Variants in MCTP1 observed in about 807,000 individuals in gnomAD.
The protein encoded by MCTP1 is multiple C2 and transmembrane domain-containing protein 1.
In MCTP1, 69 loss-of-function variants were observed where a neutral mutation model predicts 120.6. That is an observed-to-expected ratio of 0.57 (90% CI 0.47 to 0.70). The LOEUF (loss-of-function observed/expected upper bound fraction) is 0.70. MCTP1 is among the 30% of genes least tolerant of loss of function. MCTP1 has a pLI of 0.00. For missense variants in MCTP1, 1,203 were observed against 1,248.8 expected (o/e 0.96, Z 0.55); for synonymous variants, 529 against 493.1 (o/e 1.07, Z -0.96).
intron 1 of MCTP1, among the ~76,000 whole-genome samples, chr5:95,219,717 A>T (rs1753472041): frequency 6.6e-6 from 1 of 152,234 alleles, no homozygotes; most frequent in South Asian, 2.1e-4. Flanking sequence ...CTGGTGAGCA[A>T]CTTAAATGCA....
chr5:95,081,357 CAT>C, intron 1 of MCTP1: 3 of 1,400,330 alleles, frequency 2.1e-6, no homozygotes, highest in Non-Finnish European at 3.0e-6. Context: ...AAGGAACAAT[CAT>C]ATACCTAAAC....
chr5:95,143,003 A>G (rs1760070350), intron 1 of MCTP1, among the ~76,000 whole-genome samples: 1 of 152,196 alleles, frequency 6.6e-6, no homozygotes, highest in Admixed American at 6.5e-5. Flanking sequence ...TCATAACAAG[A>G]AAATTAAAAT....
At chr5:94,796,125 CT>C (rs1159195340) in intron 18 of MCTP1, among the ~76,000 whole-genome samples, 1 of 152,114 alleles carries the variant, frequency 6.6e-6, no homozygotes, top group Non-Finnish European at 1.5e-5. Context: ...CACAGTGTTT[CT>C]TTTCTTTTCT....
intron 1 of MCTP1, among the ~76,000 whole-genome samples, chr5:95,176,247 A>T (rs1306457007): frequency 6.6e-6 from 1 of 152,184 alleles, no homozygotes; most frequent in Admixed American, 6.5e-5. Context: ...GTAGTAGGCC[A>T]TGCGTGGTGG....
At chr5:94,801,840 T>C (rs1469266787) in intron 17 of MCTP1, among the ~76,000 whole-genome samples, 2 of 152,222 alleles carry the variant, frequency 1.3e-5, no homozygotes, top group African/African-American at 2.4e-5. Context: ...TCTTCTTCTC[T>C]AGATTTGACA....
chr5:95,189,381 AC>A (rs1562221938), intron 1 of MCTP1, among the ~76,000 whole-genome samples: 1 of 152,210 alleles, frequency 6.6e-6, no homozygotes, highest in Non-Finnish European at 1.5e-5. Flanking sequence ...CATACGACAC[AC>A]ATTTATCAAA....
intron 2 of MCTP1, among the ~76,000 whole-genome samples, chr5:94,958,770 A>G (rs1823350063): frequency 6.6e-6 from 1 of 152,270 alleles, no homozygotes; most frequent in African/African-American, 2.4e-5. Flanking sequence ...AAATTGAGGC[A>G]GTAATTAGTA....
chr5:95,193,844 TA>T (rs1315881878), intron 1 of MCTP1, among the ~76,000 whole-genome samples: 1 of 152,194 alleles, frequency 6.6e-6, no homozygotes, highest in Non-Finnish European at 1.5e-5. Context: ...TTAACTTATG[TA>T]ATTCCTACAA....
intron 4 of MCTP1, among the ~76,000 whole-genome samples, 174 bp from the exon 5 acceptor site, chr5:94,940,369 T>C (rs1393463327): frequency 6.6e-6 from 1 of 151,196 alleles, no homozygotes; most frequent in Admixed American, 6.6e-5. Flanking sequence ...ATAAACTGCG[T>C]GTAGATCTGA....
At chr5:94,926,926 A>G (rs1813272455) in intron 6 of MCTP1, among the ~76,000 whole-genome samples, 1 of 152,188 alleles carries the variant, frequency 6.6e-6, no homozygotes, top group Non-Finnish European at 1.5e-5. Context: ...CTGAGATTAC[A>G]TTTTGTCCCT....
chr5:94,766,446 T>A (rs1240303816), intron 19 of MCTP1, among the ~76,000 whole-genome samples: 1 of 80,118 alleles, frequency 1.2e-5, no homozygotes, highest in Non-Finnish European at 2.6e-5. Context: ...CACCACATGT[T>A]CTCACTCATA....
chr5:95,202,303 T>C (rs1335629012), intron 1 of MCTP1, among the ~76,000 whole-genome samples: 1 of 152,162 alleles, frequency 6.6e-6, no homozygotes, highest in East Asian at 1.9e-4. Flanking sequence ...GCCCCTTAGG[T>C]TCTCAGGCTT....
intron 1 of MCTP1, among the ~76,000 whole-genome samples, chr5:95,105,467 T>C (rs966144763): frequency 5.3e-5 from 8 of 152,140 alleles, no homozygotes; most frequent in Non-Finnish European, 1.2e-4. Context: ...TAGAAAACTA[T>C]TCCCAAGAAT....
chr5:95,066,003 A>G (rs1193999261), intron 1 of MCTP1, among the ~76,000 whole-genome samples: 3 of 152,202 alleles, frequency 2.0e-5, no homozygotes, highest in Middle Eastern at 3.2e-3. Context: ...AGCAAAAATA[A>G]AGAAATGGGA....
intron 1 of MCTP1, among the ~76,000 whole-genome samples, chr5:95,120,669 T>C (rs1337896851): frequency 6.6e-6 from 1 of 152,160 alleles, no homozygotes; most frequent in Non-Finnish European, 1.5e-5. Context: ...AACCTGGATA[T>C]AGAAGAAACA....
At chr5:95,093,641 G>C (rs1003447216) in intron 1 of MCTP1, among the ~76,000 whole-genome samples, 1 of 152,154 alleles carries the variant, frequency 6.6e-6, no homozygotes, top group African/African-American at 2.4e-5. Flanking sequence ...TTTGAGTTTA[G>C]CTGCATGGTA....
Position 94,954,183 on chromosome 5 carries a change from CATAT to C in MCTP1, c.839-826_839-823del, listed in dbSNP as rs67189314. On this transcript the variant is annotated intron_variant, in intron 2 of 22. Transcript: ENST00000515393. ...GCATATATATACATATATATATATG[CATAT>C]ATATATATATATATATATGCCATGG... 3.5e-4 allele frequency among the ~76,000 whole-genome samples: 20 copies of C among 57,768 alleles called. 3 individuals are homozygous for C. In the East Asian group the frequency reaches 7.8e-3, roughly 23 times the overall value. 37.9% of individuals were successfully genotyped at this position (57,768 alleles called of 152,430 possible). A position where few individuals can be genotyped will look rare whatever the true frequency, so the allele number is the denominator to read the frequency against.
intron 19 of MCTP1, among the ~76,000 whole-genome samples, chr5:94,759,571 A>G (rs1267478039): frequency 6.6e-6 from 1 of 152,240 alleles, no homozygotes; most frequent in Non-Finnish European, 1.5e-5. Context: ...TACGTCTAAA[A>G]CACTTAAAAA....
intron 1 of MCTP1, among the ~76,000 whole-genome samples, chr5:95,055,487 A>T (rs1438716883): frequency 3.9e-5 from 6 of 152,216 alleles, no homozygotes; most frequent in Non-Finnish European, 8.8e-5. Flanking sequence ...ATATTAACTG[A>T]TTTAATCTTT....
Sources: gnomAD v4.1 joint callset for allele counts (sites outside exome capture counted in the v4.1 genomes callset) on GRCh38, gnomAD v4.1.1 for gene constraint, MANE v1.5 for transcripts, NCBI Gene and HGNC (gene_info 2026-07-23, HGNC 2026-07-21) for gene names.